Variants in STK24 observed in about 807,000 individuals in gnomAD.
STK24 encodes the protein serine/threonine-protein kinase 24.
STK24 carries 21 observed loss-of-function variants against 55.6 expected under a neutral mutation model. The observed-to-expected ratio is 0.38, with a 90% CI of 0.27 to 0.54. The LOEUF is 0.54. Ranked by LOEUF, STK24 falls within the 20% of genes least tolerant of loss-of-function variation. STK24 has a pLI of 0.79. For missense variants in STK24, 383 were observed against 538.4 expected (o/e 0.71, Z 2.86); for synonymous variants, 200 against 215.2 (o/e 0.93, Z 0.62).
intron 1 of STK24, among the ~76,000 whole-genome samples, chr13:98,523,508 A>C (rs3858780): frequency 2.6e-4 from 40 of 152,314 alleles, no homozygotes; most frequent in Middle Eastern, 3.4e-3. Context: ...GTTCTGATGA[A>C]CATAATCTAA....
intron 2 of STK24, among the ~76,000 whole-genome samples, chr13:98,495,823 T>A (rs1295297645): frequency 6.6e-6 from 1 of 152,244 alleles, no homozygotes; most frequent in East Asian, 1.9e-4. Context: ...CTTGCTGATT[T>A]GTTTCGTCGT....
chr13:98,514,393 C>T (rs1186878184), intron 2 of STK24, among the ~76,000 whole-genome samples: 2 of 152,236 alleles, frequency 1.3e-5, no homozygotes, highest in African/African-American at 2.4e-5. Context: ...AAGAATATAA[C>T]TTGGAAAGAT....
At chr13:98,515,503 T>A (rs1896026298) in intron 2 of STK24, among the ~76,000 whole-genome samples, 1 of 142,322 alleles carries the variant, frequency 7.0e-6, no homozygotes, top group African/African-American at 2.5e-5. Flanking sequence ...AGGCCTCAGA[T>A]CCATAAATAT....
At chr13:98,564,138 ACT>A (rs1897505558) in intron 1 of STK24, among the ~76,000 whole-genome samples, 1 of 152,054 alleles carries the variant, frequency 6.6e-6, no homozygotes, top group Non-Finnish European at 1.5e-5. Context: ...AACATTGAAA[ACT>A]CTACTGATAT....
rs552901817 is a variant in STK24, at chr13:98,517,640, A to G, written c.273+1603T>C. Reference sequence around the variant, plus strand: ...GCACGACTCCATCTCATTAAAAAAAAGAAATTTAACATCAAGATGCTGGCA... The same window carrying G: ...GCACGACTCCATCTCATTAAAAAAAGGAAATTTAACATCAAGATGCTGGCA... On this transcript the variant is annotated intron_variant, in intron 2 of 10. Transcript: ENST00000539966. Among the ~76,000 whole-genome samples the G allele has an allele frequency of 2.0e-5, 3 of 152,304 alleles. No homozygotes were observed. In the South Asian group the frequency reaches 6.2e-4, roughly 32 times the overall value.
chr13:98,523,144 C>T (rs1288723514), intron 1 of STK24, among the ~76,000 whole-genome samples: 1 of 152,180 alleles, frequency 6.6e-6, no homozygotes, highest in African/African-American at 2.4e-5. Context: ...CCAGGGACCA[C>T]ACCTGGAGAA....
chr13:98,453,266 A>T, intron 10 of STK24, 57 bp from the exon 11 acceptor site: 1 of 1,560,360 alleles, frequency 6.4e-7, no homozygotes, highest in East Asian at 2.3e-5. Context: ...CCCTGTGCAA[A>T]AATTCATATA....
chr13:98,537,045 G>A (rs1307684218), intron 1 of STK24, among the ~76,000 whole-genome samples: 4 of 152,242 alleles, frequency 2.6e-5, no homozygotes, highest in Non-Finnish European at 4.4e-5. Context: ...ATGAGAAGGG[G>A]AGGCTTGGCA....
chr13:98,549,477 G>A (rs1566400031), intron 1 of STK24, among the ~76,000 whole-genome samples: 1 of 152,188 alleles, frequency 6.6e-6, no homozygotes, highest in Non-Finnish European at 1.5e-5. Flanking sequence ...GGGCCTGCTG[G>A]GAGGTGTTTG....
intron 1 of STK24, among the ~76,000 whole-genome samples, chr13:98,564,083 C>G (rs961061399): frequency 1.3e-5 from 2 of 152,132 alleles, no homozygotes; most frequent in African/African-American, 4.8e-5. Flanking sequence ...GAGATCACTT[C>G]TGAATCAAAA....
intron 9 of STK24, among the ~76,000 whole-genome samples, chr13:98,459,178 C>T (rs564709536): frequency 7.0e-4 from 107 of 152,304 alleles, no homozygotes; most frequent in African/African-American, 2.4e-3. Context: ...GGAAATCCCA[C>T]GGGGCCAACT....
At chr13:98,467,564 C>T (rs1244244968) in intron 5 of STK24, among the ~76,000 whole-genome samples, 9 of 152,116 alleles carry the variant, frequency 5.9e-5, no homozygotes, top group South Asian at 4.1e-4. Flanking sequence ...GTCCCAAATT[C>T]GGGATTTGTC....
chr13:98,467,053 C>A (rs745638), intron 5 of STK24, among the ~76,000 whole-genome samples: 1 of 152,050 alleles, frequency 6.6e-6, no homozygotes, highest in Admixed American at 6.5e-5. Flanking sequence ...CCTCTGAGCC[C>A]TGTTTCTCTC....
intron 3 of STK24, among the ~76,000 whole-genome samples, chr13:98,477,838 T>C (rs11839981): frequency 2.0e-4 from 31 of 152,124 alleles, no homozygotes; most frequent in African/African-American, 7.2e-4. Context: ...AGCGGCCTGC[T>C]GTCATTCCCA....
intron 1 of STK24, among the ~76,000 whole-genome samples, chr13:98,554,909 G>A (rs775781033): frequency 1.8e-4 from 27 of 151,344 alleles, no homozygotes; most frequent in Non-Finnish European, 5.9e-5. Context: ...CAGCTACTCA[G>A]GAGGCTGAGG....
chr13:98,504,511 G>A (rs1251196531), intron 2 of STK24, among the ~76,000 whole-genome samples: 1 of 152,328 alleles, frequency 6.6e-6, no homozygotes, highest in South Asian at 2.1e-4. Flanking sequence ...CAGCAATCCC[G>A]CTGACAGTTT....
chr13:98,460,304 C>T, intron 9 of STK24, 68 bp downstream of exon 9: 1 of 1,417,108 alleles, frequency 7.1e-7, no homozygotes, highest in Non-Finnish European at 9.9e-7. Flanking sequence ...GCAACATCAC[C>T]ACTGAAGTGT....
intron 1 of STK24, among the ~76,000 whole-genome samples, chr13:98,562,935 A>T (rs1270797858): frequency 6.6e-6 from 1 of 151,062 alleles, no homozygotes; most frequent in Non-Finnish European, 1.5e-5. Flanking sequence ...AAAAAAAAAA[A>T]AGGTAAAAAA....
Position 98,493,928 on chromosome 13 carries a change from C to T in STK24, c.274-11607G>A, listed in dbSNP as rs564543514. Reference sequence around the variant, plus strand: ...TGCGATCTTGGCTCACTGCAAGCTCCGCCTCCCGGGTTCACACCATTATCC... The same window carrying T: ...TGCGATCTTGGCTCACTGCAAGCTCTGCCTCCCGGGTTCACACCATTATCC... On this transcript the variant is annotated intron_variant, in intron 2 of 10. Coordinates refer to ENST00000539966, the MANE Select transcript of STK24 (RefSeq NM_001032296.4). Among the ~76,000 whole-genome samples the T allele has an allele frequency of 1.3e-3, 192 of 150,190 alleles. 3 individuals are homozygous for T. The South Asian group carries it at 0.015, about 12-fold the overall frequency.
Sources: gnomAD v4.1 joint callset for allele counts (sites outside exome capture counted in the v4.1 genomes callset) on GRCh38, gnomAD v4.1.1 for gene constraint, MANE v1.5 for transcripts, NCBI Gene and HGNC (gene_info 2026-07-23, HGNC 2026-07-21) for gene names.